Variants in ANKRD17 observed in about 807,000 individuals in gnomAD.
The protein encoded by ANKRD17 is ankyrin repeat domain 17.
Under a neutral mutation model 229.7 loss-of-function variants are expected in ANKRD17, and 19 were observed. The observed-to-expected ratio is 0.08, with a 90% CI of 0.06 to 0.12. ANKRD17 has a LOEUF of 0.12. Among genes scored for constraint, ANKRD17 ranks in the 10% least tolerant of loss-of-function variants. The pLI, the probability that ANKRD17 is intolerant of heterozygous loss-of-function variation, is 1.00. For missense variants in ANKRD17, 2,176 were observed against 3,176.8 expected (o/e 0.68, Z 7.57); for synonymous variants, 1,112 against 1,146.1 (o/e 0.97, Z 0.60).
chr4:73,200,887 A>G (rs1309378711), intron 1 of ANKRD17, among the ~76,000 whole-genome samples: 1 of 147,050 alleles, frequency 6.8e-6, no homozygotes, highest in Non-Finnish European at 1.5e-5. Context: ...CTCAATCACC[A>G]CTATGTTCAC....
chr4:73,108,384 A>T (rs1724898030), intron 24 of ANKRD17, among the ~76,000 whole-genome samples: 1 of 152,206 alleles, frequency 6.6e-6, no homozygotes. Flanking sequence ...ATTTGGAATC[A>T]ACTGGTGTAC....
chr4:73,242,650 A>C (rs1744147635), intron 1 of ANKRD17, among the ~76,000 whole-genome samples: 1 of 152,224 alleles, frequency 6.6e-6, no homozygotes, highest in Non-Finnish European at 1.5e-5. Context: ...CTTGAGAAAG[A>C]AGCTCAATGA....
At chr4:73,123,558 AC>A (rs935365427) in intron 18 of ANKRD17, among the ~76,000 whole-genome samples, 10 of 152,116 alleles carry the variant, frequency 6.6e-5, no homozygotes, top group Non-Finnish European at 1.5e-4. Flanking sequence ...ATATAAGGGA[AC>A]AAAAATTATG....
chr4:73,120,128 G>A (rs370155654), intron 21 of ANKRD17, 34 bp downstream of exon 21: 8 of 1,590,510 alleles, frequency 5.0e-6, no homozygotes, highest in African/African-American at 2.7e-5. Context: ...AGTAACACTT[G>A]TGTTCATATA....
intron 25 of ANKRD17, chr4:73,098,833 G>A: frequency 1.2e-5 from 19 of 1,526,734 alleles, no homozygotes; most frequent in South Asian, 2.3e-5. Flanking sequence ...TGAGTGAGTC[G>A]AGCTTGAAGT....
At chr4:73,200,725 T>A (rs1199000873) in intron 1 of ANKRD17, among the ~76,000 whole-genome samples, 2 of 152,052 alleles carry the variant, frequency 1.3e-5, no homozygotes, top group African/African-American at 4.8e-5. Context: ...ACATAAAAAA[T>A]CAGAATTCTT....
chr4:73,115,755 A>T, intron 23 of ANKRD17, 66 bp downstream of exon 23: 1 of 1,279,516 alleles, frequency 7.8e-7, no homozygotes, highest in African/African-American at 1.5e-5. Flanking sequence ...CAAACTAGGA[A>T]TTCTTAGAAT....
At chr4:73,082,529 G>T (rs1194846111) in intron 30 of ANKRD17, among the ~76,000 whole-genome samples, 1 of 152,008 alleles carries the variant, frequency 6.6e-6, no homozygotes, top group Non-Finnish European at 1.5e-5. Context: ...AACAAAAAGT[G>T]CTTCTACAGT....
At chr4:73,157,047 G>C (rs1731753960) in intron 3 of ANKRD17, among the ~76,000 whole-genome samples, 1 of 152,088 alleles carries the variant, frequency 6.6e-6, no homozygotes, top group Admixed American at 6.5e-5. Flanking sequence ...TAATTTACTG[G>C]TAAGTGGAGA....
At position 73,141,751 on chromosome 4, in the gene ANKRD17, G is replaced by T. The variant is rs760219733; in HGVS notation, c.2322C>A (p.Ile774=). ...AGAAGTATAACTGACCTTTATTCCT[G>T]ATGGGAAGAGTGGTGGCAACATTGG... is the stretch of plus-strand genomic sequence containing the variant. ...PPANVATTLP[I]RNKAASKQKS... is the part of the protein sequence containing the mutation. Residue 774 remains isoleucine, a synonymous_variant, in exon 14 of 34, where the codon ATC becomes ATA. Transcript: ENST00000358602. The T allele has an allele frequency of 1.9e-6, 3 of 1,613,400 alleles. No individual in the cohort carries two copies. The highest frequency in any genetic ancestry group is 2.5e-6 in the Non-Finnish European group (3 of 1,179,452).
chr4:73,257,378 G>C (rs1745544068), intron 1 of ANKRD17, among the ~76,000 whole-genome samples: 1 of 152,132 alleles, frequency 6.6e-6, no homozygotes, highest in South Asian at 2.1e-4. Context: ...AAATTATAAA[G>C]TTATTATGAA....
chr4:73,225,723 G>A (rs1295466139), intron 1 of ANKRD17, among the ~76,000 whole-genome samples: 1 of 151,614 alleles, frequency 6.6e-6, no homozygotes, highest in African/African-American at 2.4e-5. Context: ...TAAGTTGGCT[G>A]TAGTGGTGGG....
intron 24 of ANKRD17, chr4:73,104,008 G>A (rs1724315951): frequency 6.6e-6 from 1 of 152,140 alleles, no homozygotes; most frequent in South Asian, 2.1e-4. Flanking sequence ...CTTACCTTAG[G>A]CTAGGTGAGA....
chr4:73,237,275 C>T (rs962385073), intron 1 of ANKRD17, among the ~76,000 whole-genome samples: 23 of 152,246 alleles, frequency 1.5e-4, no homozygotes, highest in African/African-American at 5.5e-4. Flanking sequence ...ACTGCTCATG[C>T]ATAGAAGACA....
At chr4:73,171,065 G>C (rs1733926297) in intron 2 of ANKRD17, among the ~76,000 whole-genome samples, 1 of 152,028 alleles carries the variant, frequency 6.6e-6, no homozygotes, top group South Asian at 2.1e-4. Context: ...AACGGGCATT[G>C]AGTGAGACCC....
At chr4:73,238,563 A>C (rs536004100) in intron 1 of ANKRD17, among the ~76,000 whole-genome samples, 10 of 152,176 alleles carry the variant, frequency 6.6e-5, no homozygotes, top group African/African-American at 1.9e-4. Flanking sequence ...CATTCAGGTA[A>C]AGTGTTTTGG....
intron 1 of ANKRD17, among the ~76,000 whole-genome samples, chr4:73,219,265 T>C (rs1420921858): frequency 2.6e-5 from 4 of 152,228 alleles, no homozygotes; most frequent in Non-Finnish European, 5.9e-5. Context: ...TAGAAATCTA[T>C]GAAAGACTTA....
At position 73,153,870 on chromosome 4, in the gene ANKRD17, T is replaced by G. The variant is rs1479575469; in HGVS notation, c.1234+10A>C. On this transcript the variant is annotated intron_variant, in intron 6 of 33. Transcript: ENST00000358602. ...TAAAAACTTTGTTTTAAGAAAGGTTTATACTGTACCTTTGTAACAAGCTAA... is the reference window on the plus strand; with the variant it reads ...TAAAAACTTTGTTTTAAGAAAGGTTGATACTGTACCTTTGTAACAAGCTAA... 6.5e-7 allele frequency: 1 copy of G among 1,527,024 alleles called. No individual in the cohort carries two copies. Among genetic ancestry groups the G allele is most frequent in the East Asian group, 2.3e-5 (1 of 43,834 alleles). The allele number at this position is 1,527,024 out of a possible 1,614,324, so 94.6% of individuals were successfully genotyped here.
intron 1 of ANKRD17, among the ~76,000 whole-genome samples, chr4:73,222,490 G>A (rs1741987664): frequency 6.6e-6 from 1 of 152,082 alleles, no homozygotes; most frequent in African/African-American, 2.4e-5. Context: ...TAGGACCAGA[G>A]TATACCAGCT....
Sources: allele counts gnomAD v4.1 joint callset (sites outside exome capture counted in the v4.1 genomes callset), GRCh38; gene constraint gnomAD v4.1.1; transcripts MANE v1.5; gene names NCBI Gene and HGNC (gene_info 2026-07-23, HGNC 2026-07-21).